The following GPHN variants were observed in gnomAD, a reference collection of about 807,000 sequenced individuals.
GPHN encodes the protein gephyrin.
Under a neutral mutation model 95.5 loss-of-function variants are expected in GPHN, and 17 were observed. That is an observed-to-expected ratio of 0.18 (90% CI 0.12 to 0.27). GPHN has a LOEUF of 0.27. GPHN is among the 10% of genes least tolerant of loss of function. The pLI, the probability that GPHN is intolerant of heterozygous loss-of-function variation, is 1.00. For missense variants in GPHN, 660 were observed against 978.1 expected, an observed-to-expected ratio of 0.67 and a Z score of 4.34; for synonymous variants, 320 against 322.5, an observed-to-expected ratio of 0.99 and a Z score of 0.08.
chr14:67,267,548 G>A, the GPHN span, among the ~76,000 whole-genome samples: 1 of 152,152 alleles, frequency 6.6e-6, no homozygotes, highest in South Asian at 2.1e-4. Flanking sequence ...ACTGCACCCA[G>A]CAAAATTCAG....
chr14:66,796,154 T>C (rs2060149953), intron 3 of GPHN, among the ~76,000 whole-genome samples: 1 of 152,156 alleles, frequency 6.6e-6, no homozygotes, highest in Admixed American at 6.5e-5. Flanking sequence ...TTGTTGCAAA[T>C]GACTGAATCT....
At chr14:66,668,880 T>C (rs1407185596) in intron 1 of GPHN, among the ~76,000 whole-genome samples, 3 of 151,846 alleles carry the variant, frequency 2.0e-5, no homozygotes, top group African/African-American at 7.2e-5. Context: ...CCTGCTGTTT[T>C]TTTTTTTTTT....
intron 9 of GPHN, among the ~76,000 whole-genome samples, chr14:67,005,170 A>G (rs974478474): frequency 4.0e-5 from 6 of 151,430 alleles, no homozygotes; most frequent in Middle Eastern, 3.4e-3. Context: ...TAGTGATAGC[A>G]TTTCCTGTGC....
At chr14:67,087,804 A>G (rs574664438) in intron 11 of GPHN, among the ~76,000 whole-genome samples, 3 of 152,224 alleles carry the variant, frequency 2.0e-5, no homozygotes, top group Non-Finnish European at 4.4e-5. Context: ...TTTATAAATT[A>G]TACAAATACT....
chr14:67,342,526 TGAACTCTGAGGGTAA>T, the GPHN span, among the ~76,000 whole-genome samples: 1 of 149,882 alleles, frequency 6.7e-6, no homozygotes, highest in African/African-American at 2.4e-5. Flanking sequence ...TTCTAGAATG[TGAACTCTGAGGGTAA>T]GAACTACGAA....
chr14:67,552,105 C>A, the GPHN span, among the ~76,000 whole-genome samples: 1 of 152,196 alleles, frequency 6.6e-6, no homozygotes, highest in Non-Finnish European at 1.5e-5. Flanking sequence ...TGCACTTCAT[C>A]AGGTTGCTGC....
the GPHN span, among the ~76,000 whole-genome samples, chr14:67,563,931 T>G: frequency 6.7e-6 from 1 of 149,500 alleles, no homozygotes; most frequent in Non-Finnish European, 1.5e-5. Context: ...AGACAGAGTC[T>G]TGCTCTGTTG....
the GPHN span, among the ~76,000 whole-genome samples, chr14:67,707,792 T>C: frequency 2.0e-5 from 3 of 152,238 alleles, no homozygotes; most frequent in Non-Finnish European, 4.4e-5. Flanking sequence ...TAACCTCTCC[T>C]CTTGAGGTTC....
intron 12 of GPHN, among the ~76,000 whole-genome samples, chr14:67,095,621 C>T (rs61990917): frequency 0.053 from 8,080 of 151,964 alleles, 302 homozygotes; most frequent in Middle Eastern, 0.13. Context: ...GAGTTCATGT[C>T]CTTTGTAGGG....
chr14:66,848,947 T>G (rs1432807763), intron 4 of GPHN, among the ~76,000 whole-genome samples: 1 of 151,954 alleles, frequency 6.6e-6, no homozygotes, highest in East Asian at 1.9e-4. Context: ...ATCATCCCAA[T>G]TATTATAATA....
chr14:66,595,090 C>T (rs959979090), intron 1 of GPHN, among the ~76,000 whole-genome samples: 4 of 152,104 alleles, frequency 2.6e-5, no homozygotes, highest in Non-Finnish European at 5.9e-5. Context: ...AATTATAACT[C>T]TAATGAGATA....
the GPHN span, chr14:67,690,798 CAT>C: frequency 2.7e-6 from 1 of 369,592 alleles, no homozygotes; most frequent in East Asian, 5.8e-5. Context: ...GCCTGGGCAA[CAT>C]AGCAAGACCC....
At chr14:66,688,116 T>A (rs956738836) in intron 2 of GPHN, among the ~76,000 whole-genome samples, 4 of 152,030 alleles carry the variant, frequency 2.6e-5, no homozygotes, top group Non-Finnish European at 5.9e-5. Context: ...ATTCTTGAAA[T>A]AAAGTAAACT....
the GPHN span, chr14:67,347,494 A>C: frequency 1.1e-5 from 16 of 1,464,664 alleles, no homozygotes; most frequent in Non-Finnish European, 1.5e-5. Flanking sequence ...TAAACCTTTA[A>C]GTTCTCTCTT....
intron 1 of GPHN, among the ~76,000 whole-genome samples, chr14:66,553,260 G>C (rs370264314): frequency 5.9e-5 from 9 of 152,066 alleles, no homozygotes; most frequent in African/African-American, 2.2e-4. Context: ...CAAAGTGCTA[G>C]GATTATAGGC....
chr14:67,203,058 C>A, the GPHN span: 1 of 1,593,108 alleles, frequency 6.3e-7, no homozygotes, highest in Admixed American at 1.7e-5. Context: ...CCACACATTT[C>A]ATCATATAAC....
the GPHN span, among the ~76,000 whole-genome samples, chr14:67,387,644 CA>C: frequency 2.0e-5 from 3 of 152,200 alleles, no homozygotes; most frequent in Non-Finnish European, 4.4e-5. Flanking sequence ...TGTCCCTCAC[CA>C]GTGCCCTAAG....
At chr14:66,669,964 A>C (rs1174847065) in intron 1 of GPHN, among the ~76,000 whole-genome samples, 1 of 152,012 alleles carries the variant, frequency 6.6e-6, no homozygotes, top group Non-Finnish European at 1.5e-5. Flanking sequence ...GCCTTTTTTC[A>C]TTCAGTTTGA....
At chr14:66,728,393 A>C (rs1014044235) in intron 2 of GPHN, among the ~76,000 whole-genome samples, 1 of 152,204 alleles carries the variant, frequency 6.6e-6, no homozygotes, top group African/African-American at 2.4e-5. Flanking sequence ...TAGTAGATCC[A>C]CTGATAGCTT....
Sources: allele counts gnomAD v4.1 joint callset (sites outside exome capture counted in the v4.1 genomes callset), GRCh38; gene constraint gnomAD v4.1.1; transcripts MANE v1.5; gene names NCBI Gene and HGNC (gene_info 2026-07-23, HGNC 2026-07-21).